Variants in ADK observed in about 807,000 individuals in gnomAD.
ADK encodes adenosine kinase.
ADK carries 24 observed loss-of-function variants against 44.7 expected under a neutral mutation model. The ratio of observed to expected loss-of-function variants is 0.54; its 90% CI spans 0.39 to 0.76. The LOEUF (loss-of-function observed/expected upper bound fraction) is 0.76, where lower values mean the gene tolerates loss of function less well. ADK is among the 30% of genes least tolerant of loss of function. ADK has a pLI of 0.00. For synonymous variants in ADK, 128 were observed against 142.6 expected (o/e 0.90, Z 0.73); for missense variants, 321 against 425.1 (o/e 0.76, Z 2.15).
At position 74,303,585 on chromosome 10, in the gene ADK, G is replaced by GTTTTTTTTTTTTTTTT. The variant is rs1282565148; in HGVS notation, c.195-11080_195-11079insTTTTTTTTTTTTTTTT. On this transcript the variant is annotated intron_variant, in intron 3 of 10. Coordinates refer to ENST00000539909, the MANE Select transcript of ADK (RefSeq NM_006721.4). ...AAACACTTTTCATATTGGTTTTAAT[G>GTTTTTTTTTTTTTTTT]TTGTTTTTTTTTTTTTTTTTTTTTT... Among the ~76,000 whole-genome samples the GTTTTTTTTTTTTTTTT allele has an allele frequency of 3.6e-3, 231 of 64,630 alleles. 62 individuals are homozygous for GTTTTTTTTTTTTTTTT. Among genetic ancestry groups the GTTTTTTTTTTTTTTTT allele is most frequent in the African/African-American group, 4.0e-3 (40 of 9,896 alleles). 42.4% of individuals were successfully genotyped at this position (64,630 alleles called of 152,430 possible).
intron 6 of ADK, among the ~76,000 whole-genome samples, chr10:74,484,621 A>G (rs1847200409): frequency 6.6e-6 from 1 of 152,194 alleles, no homozygotes; most frequent in African/African-American, 2.4e-5. Context: ...GAAAAGCAAA[A>G]CGGCAAGAAT....
intron 3 of ADK, among the ~76,000 whole-genome samples, chr10:74,249,844 T>C (rs1037080615): frequency 3.9e-5 from 6 of 152,232 alleles, no homozygotes; most frequent in African/African-American, 1.4e-4. Context: ...TTTATTCATT[T>C]AACTAATATT....
intron 6 of ADK, among the ~76,000 whole-genome samples, chr10:74,421,168 T>C (rs1304154695): frequency 2.6e-5 from 4 of 152,180 alleles, no homozygotes; most frequent in Non-Finnish European, 1.5e-5. Context: ...TAAGTAACTT[T>C]GGAAAATGGT....
chr10:74,224,558 A>G lies in ADK; in HGVS notation c.161A>G (p.Asp54Gly), dbSNP rs1396652116. The G allele has an allele frequency of 1.2e-6, 2 of 1,613,776 alleles. No homozygotes were observed. Among genetic ancestry groups the G allele is most frequent in the Non-Finnish European group, 1.7e-6 (2 of 1,179,782 alleles). The change falls in exon 3 of 11, where the codon GAC becomes GGC. Residue 54 changes from aspartate to glycine, a missense_variant. Transcript: ENST00000539909. ...TACAGGTATTCTCTGAAACCAAATG[A>G]CCAAATCTTGGCTGAAGACAAACAC... ...FLDKYSLKPN[D>G]QILAEDKHKE...
At chr10:74,698,121 C>A (rs921832832) in intron 10 of ADK, among the ~76,000 whole-genome samples, 1 of 152,206 alleles carries the variant, frequency 6.6e-6, no homozygotes, top group East Asian at 1.9e-4. Context: ...GAGAGATTCT[C>A]ACCTTATGCC....
intron 7 of ADK, chr10:74,529,175 C>G (rs1257917755): frequency 6.6e-6 from 1 of 151,960 alleles, no homozygotes; most frequent in Non-Finnish European, 1.5e-5. Context: ...ATTATTTAGC[C>G]TTAAATAAAA....
chr10:74,582,579 T>A (rs1851408246), intron 7 of ADK, among the ~76,000 whole-genome samples: 1 of 152,210 alleles, frequency 6.6e-6, no homozygotes, highest in Non-Finnish European at 1.5e-5. Context: ...AGTCAGTTAA[T>A]CACTTTGTGA....
chr10:74,216,614 A>G (rs1844036635), intron 2 of ADK, among the ~76,000 whole-genome samples: 1 of 151,292 alleles, frequency 6.6e-6, no homozygotes, highest in Non-Finnish European at 1.5e-5. Context: ...AGTCCCAGCT[A>G]TTTTGGGGAC....
chr10:74,232,716 C>T (rs1460626555), intron 3 of ADK, among the ~76,000 whole-genome samples: 1 of 152,172 alleles, frequency 6.6e-6, no homozygotes, highest in Non-Finnish European at 1.5e-5. Context: ...AGCTCCACCT[C>T]CCGGGTTCAC....
intron 6 of ADK, among the ~76,000 whole-genome samples, chr10:74,497,394 G>C (rs1336677692): frequency 2.0e-5 from 3 of 152,078 alleles, no homozygotes; most frequent in Non-Finnish European, 4.4e-5. Context: ...AGAGAAACAG[G>C]GCTTAGGTGG....
Position 74,366,639 on chromosome 10 carries a change from C to T in ADK, c.274-27502C>T, listed in dbSNP as rs141972962. On this transcript the variant is annotated intron_variant, in intron 4 of 10. Transcript: ENST00000539909. ...AAAATTATAAATCTGATATAAATAT[C>T]AGTGTGCCATACAGGCATGGTGGCT... 2.2e-3 allele frequency among the ~76,000 whole-genome samples: 334 copies of T among 152,180 alleles called. 2 individuals are homozygous for T. The highest frequency in any genetic ancestry group is 7.6e-3 in the African/African-American group (316 of 41,532).
chr10:74,451,003 T>C (rs1845753341), intron 6 of ADK, among the ~76,000 whole-genome samples: 1 of 148,594 alleles, frequency 6.7e-6, no homozygotes, highest in Non-Finnish European at 1.5e-5. Flanking sequence ...GGAAAAACAA[T>C]ACAACTGAGC....
intron 6 of ADK, among the ~76,000 whole-genome samples, chr10:74,487,951 C>T (rs1349579759): frequency 2.6e-5 from 4 of 151,996 alleles, no homozygotes; most frequent in Admixed American, 2.0e-4. Context: ...ACATAATCCA[C>T]CCTCACCAAG....
intron 6 of ADK, among the ~76,000 whole-genome samples, chr10:74,511,484 G>A (rs1192325769): frequency 6.6e-6 from 1 of 152,108 alleles, no homozygotes; most frequent in Non-Finnish European, 1.5e-5. Context: ...TTTCATCAGT[G>A]TTTTGTAATC....
intron 9 of ADK, among the ~76,000 whole-genome samples, chr10:74,663,251 A>ATATG (rs937024452): frequency 1.8e-5 from 2 of 112,080 alleles, no homozygotes; most frequent in Non-Finnish European, 3.6e-5. Context: ...AAAAAATAAT[A>ATATG]TATATATATA....
chr10:74,523,030 A>G (rs1848901233), intron 6 of ADK, among the ~76,000 whole-genome samples: 1 of 152,202 alleles, frequency 6.6e-6, no homozygotes, highest in East Asian at 1.9e-4. Flanking sequence ...CAAATTAGCA[A>G]CATATCTGGA....
At chr10:74,439,484 TA>T (rs1265954481) in intron 6 of ADK, among the ~76,000 whole-genome samples, 1 of 152,292 alleles carries the variant, frequency 6.6e-6, no homozygotes, top group East Asian at 1.9e-4. Flanking sequence ...GTAAAGTAGA[TA>T]AAGTGCCTAG....
intron 3 of ADK, among the ~76,000 whole-genome samples, chr10:74,310,747 A>G (rs559022467): frequency 2.7e-4 from 41 of 152,136 alleles, no homozygotes; most frequent in Admixed American, 1.0e-3. Flanking sequence ...TTTCTTTGTC[A>G]GTTTTTACTA....
chr10:74,524,970 C>T (rs1387350241), intron 6 of ADK, among the ~76,000 whole-genome samples: 1 of 152,118 alleles, frequency 6.6e-6, no homozygotes. Context: ...TTGAATGAGA[C>T]CTTTCAAACA....
Sources: allele counts gnomAD v4.1 joint callset (sites outside exome capture counted in the v4.1 genomes callset), GRCh38; gene constraint gnomAD v4.1.1; transcripts MANE v1.5; gene names NCBI Gene and HGNC (gene_info 2026-07-23, HGNC 2026-07-21).